Variants in NBEAL1 observed in about 807,000 individuals in gnomAD.
NBEAL1 encodes the protein neurobeachin like 1.
In NBEAL1, 273 loss-of-function variants were observed where a neutral mutation model predicts 351.3. That is an observed-to-expected ratio of 0.78 (90% confidence interval 0.70 to 0.86). The LOEUF (loss-of-function observed/expected upper bound fraction) is 0.86. Among genes scored for constraint, NBEAL1 ranks in the 40% least tolerant of loss-of-function variants. The pLI is 0.00. For missense variants in NBEAL1, 2,961 were observed against 3,201.3 expected (o/e 0.92, Z 1.81); for synonymous variants, 1,050 against 1,086.4 (o/e 0.97, Z 0.66).
In NBEAL1 at chr2:203,219,728, C is replaced by T. The variant is rs1301001011; in HGVS notation, c.*2374C>T. The T allele has an allele frequency of 1.3e-5, 2 of 152,142 alleles. No homozygotes were observed. Among genetic ancestry groups the T allele is most frequent in the Non-Finnish European group, 2.9e-5 (2 of 68,124 alleles). 9.4% of individuals were successfully genotyped at this position (152,142 alleles called of 1,614,324 possible). ...AATTAGCCGGGCATGGTGGCACATG[C>T]CTATAGTCCCAGCTACTTGAGAGGC... On this transcript the variant is annotated 3_prime_UTR_variant, in exon 56 of 56. Transcript: ENST00000683969.
chr2:203,045,383 T>C (rs886156036), intron 3 of NBEAL1, among the ~76,000 whole-genome samples: 1 of 152,212 alleles, frequency 6.6e-6, no homozygotes, highest in African/African-American at 2.4e-5. Context: ...AGATTACCTC[T>C]TTTTAGCCCT....
chr2:203,034,602 G>A (rs1383833221), intron 2 of NBEAL1, among the ~76,000 whole-genome samples: 1 of 147,850 alleles, frequency 6.8e-6, no homozygotes, highest in Non-Finnish European at 1.5e-5. Context: ...GGGATTACAG[G>A]CATGCACCAC....
At chr2:203,112,296 A>G (rs900898059) in intron 16 of NBEAL1, among the ~76,000 whole-genome samples, 198 bp downstream of exon 16, 2 of 152,240 alleles carry the variant, frequency 1.3e-5, no homozygotes, top group Admixed American at 6.5e-5. Context: ...AATGTGAAAA[A>G]AGGAAAACAT....
chr2:203,099,027 C>G (rs944699566), intron 11 of NBEAL1, among the ~76,000 whole-genome samples: 2 of 152,112 alleles, frequency 1.3e-5, no homozygotes, highest in Non-Finnish European at 2.9e-5. Flanking sequence ...GTAATCCCAG[C>G]ACTTTGGGAG....
At chr2:203,163,411 G>A (rs1313315150) in intron 36 of NBEAL1, among the ~76,000 whole-genome samples, 1 of 151,882 alleles carries the variant, frequency 6.6e-6, no homozygotes, top group Non-Finnish European at 1.5e-5. Flanking sequence ...TTTACAAACA[G>A]TAAAATATAA....
chr2:203,032,036 C>T (rs1442694455), intron 2 of NBEAL1, among the ~76,000 whole-genome samples: 2 of 152,128 alleles, frequency 1.3e-5, no homozygotes, highest in Non-Finnish European at 2.9e-5. Flanking sequence ...TTTTTGATTG[C>T]TTACTCCGGG....
rs1283707683 is a variant in NBEAL1, at chr2:203,133,067, T to C, written c.3734T>C (p.Ile1245Thr). 4.0e-5 allele frequency: 59 copies of C among 1,460,862 alleles called. No homozygotes were observed. The highest frequency in any genetic ancestry group is 5.4e-5 in the Non-Finnish European group (58 of 1,077,924). The allele number at this position is 1,460,862 out of a possible 1,614,324, so 90.5% of individuals were successfully genotyped here. A position where few individuals can be genotyped will look rare whatever the true frequency, so the allele number is the denominator to read the frequency against. The change falls in exon 27 of 56, where the codon ATT becomes ACT. Residue 1245 changes from isoleucine to threonine, a missense_variant. Physicochemically the swap from Ile to Thr is moderately conservative, Grantham distance 89. Transcript: ENST00000683969. ...GTTTTTCCTACCATAGATCCTGTTA[T>C]TAATTTCAAAGATCTACTATCTGTG... ...THQIINTDPV[I>T]NFKDLLSVVY...
chr2:203,174,665 G>C (rs925304041), intron 41 of NBEAL1, among the ~76,000 whole-genome samples: 5 of 152,012 alleles, frequency 3.3e-5, no homozygotes, highest in African/African-American at 1.2e-4. Context: ...GGCTGAGGCA[G>C]GTGGATCACA....
chr2:203,024,199 CAAAA>C (rs1344807011), intron 2 of NBEAL1, among the ~76,000 whole-genome samples: 3 of 88,074 alleles, frequency 3.4e-5, no homozygotes, highest in Non-Finnish European at 4.8e-5. Flanking sequence ...CTTTCTCACA[CAAAA>C]AAAAAAAAAG....
chr2:203,173,617 G>A (rs1184729425), intron 41 of NBEAL1, among the ~76,000 whole-genome samples: 8 of 151,690 alleles, frequency 5.3e-5, no homozygotes, highest in Non-Finnish European at 1.5e-5. Context: ...ATTTACCAGT[G>A]GAACTTTGCT....
intron 2 of NBEAL1, among the ~76,000 whole-genome samples, chr2:203,024,360 C>T (rs1476840969): frequency 1.3e-5 from 2 of 151,936 alleles, no homozygotes; most frequent in African/African-American, 2.4e-5. Context: ...GAGTTTGAGA[C>T]CAGCCTGGCC....
At chr2:203,028,110 T>C (rs2060889572) in intron 2 of NBEAL1, among the ~76,000 whole-genome samples, 1 of 151,974 alleles carries the variant, frequency 6.6e-6, no homozygotes, top group Admixed American at 6.6e-5. Context: ...TCTTGATCTC[T>C]TGACCTAGTG....
chr2:203,200,430 G>A (rs1356852876), intron 49 of NBEAL1, among the ~76,000 whole-genome samples: 1 of 152,034 alleles, frequency 6.6e-6, no homozygotes, highest in Non-Finnish European at 1.5e-5. Flanking sequence ...GGAGAATGGT[G>A]TGAACCTGGG....
At chr2:203,153,302 A>ATTTT (rs5837843) in intron 35 of NBEAL1, among the ~76,000 whole-genome samples, 1 of 124,146 alleles carries the variant, frequency 8.1e-6, no homozygotes, top group Non-Finnish European at 1.6e-5. Context: ...CATGCCCAGC[A>ATTTT]TTTTTTTTTT....
intron 51 of NBEAL1, among the ~76,000 whole-genome samples, chr2:203,203,467 G>A (rs1347979732): frequency 6.6e-6 from 1 of 152,140 alleles, no homozygotes; most frequent in South Asian, 2.1e-4. Flanking sequence ...GAGCCACTGT[G>A]CCCGGTCAGC....
At position 203,209,182 on chromosome 2, in the gene NBEAL1, A is replaced by G; in HGVS notation, c.7645A>G (p.Thr2549Ala). The stretch of plus-strand genomic sequence containing the variant: ...GTAGGATGGAACGGTGATTATACAT[A>G]CCATTCAGAAAGGTCAGTACATGAG... ...GSRDGTVIIH[T>A]IQKGQYMRTL... is the part of the protein sequence containing the mutation. The change falls in exon 53 of 56, where the codon ACC becomes GCC. Residue 2549 changes from threonine to alanine, a missense_variant. Transcript: ENST00000683969. The G allele has an allele frequency of 2.5e-6, 4 of 1,613,440 alleles. No homozygotes were observed. Among genetic ancestry groups the G allele is most frequent in the Non-Finnish European group, 3.4e-6 (4 of 1,179,456 alleles).
rs1193728274 is a variant in NBEAL1 at position 203,180,493 on chromosome 2, G to A, written c.6576G>A (p.Glu2192=). The change falls in exon 43 of 56, where the codon GAG becomes GAA. Residue 2192 remains glutamate (E), a synonymous_variant. Coordinates refer to ENST00000683969, the MANE Select transcript of NBEAL1 (RefSeq NM_001378026.1). ...TTCCTGAATTCTTCTATTTCCCAGA[G>A]TTTTTGGAAAATCAAAATCGTAAGA... ...ELIPEFFYFP[E]FLENQNQFNL... The A allele has an allele frequency of 3.1e-6, 5 of 1,609,964 alleles. No homozygotes were observed. Among genetic ancestry groups the A allele is most frequent in the Non-Finnish European group, 4.2e-6 (5 of 1,178,652 alleles).
intron 21 of NBEAL1, 138 bp downstream of exon 21, chr2:203,126,231 G>A: frequency 2.1e-6 from 2 of 931,982 alleles, no homozygotes; most frequent in Non-Finnish European, 3.1e-6. Context: ...TTTGTTCACA[G>A]GCAGCTTTTA....
chr2:203,058,788 A>G (rs745576712), intron 6 of NBEAL1, among the ~76,000 whole-genome samples: 1 of 152,230 alleles, frequency 6.6e-6, no homozygotes, highest in Non-Finnish European at 1.5e-5. Context: ...GAAAGTTTGC[A>G]TGATGCCTGC....
Sources: allele counts gnomAD v4.1 joint callset (sites outside exome capture counted in the v4.1 genomes callset), GRCh38; gene constraint gnomAD v4.1.1; transcripts MANE v1.5; gene names NCBI Gene and HGNC (gene_info 2026-07-23, HGNC 2026-07-21).